AGBL3: variants seen among roughly 807,000 people sequenced by gnomAD.
The protein encoded by AGBL3 is AGBL carboxypeptidase 3.
AGBL3 carries 68 observed loss-of-function variants against 94.5 expected under a neutral mutation model. The ratio of observed to expected loss-of-function variants is 0.72; its 90% confidence interval spans 0.59 to 0.88. AGBL3 has a LOEUF of 0.88. Ranked by LOEUF, AGBL3 falls within the 40% of genes least tolerant of loss-of-function variation. The pLI is 0.00. For missense variants in AGBL3, 934 were observed against 1,103.8 expected, an observed-to-expected ratio of 0.85 and a Z score of 2.18; for synonymous variants, 354 against 370.7, an observed-to-expected ratio of 0.95 and a Z score of 0.52.
At chr7:134,989,073 A>T (rs773519929) in intron 2 of AGBL3, among the ~76,000 whole-genome samples, 177 bp from the exon 3 acceptor site, 8 of 152,200 alleles carry the variant, frequency 5.3e-5, no homozygotes, top group African/African-American at 1.9e-4. Context: ...AGGTTTCAGG[A>T]TATTTGAAGT....
chr7:135,065,422 T>A (rs1006724501), intron 12 of AGBL3, among the ~76,000 whole-genome samples: 1 of 152,164 alleles, frequency 6.6e-6, no homozygotes, highest in Non-Finnish European at 1.5e-5. Flanking sequence ...TTCCTGATTT[T>A]AAAATATGTT....
At chr7:135,066,979 T>A (rs547298541) in intron 12 of AGBL3, among the ~76,000 whole-genome samples, 1 of 152,212 alleles carries the variant, frequency 6.6e-6, no homozygotes, top group South Asian at 2.1e-4. Flanking sequence ...GGGAATTCCC[T>A]TTCCTAGTCA....
In AGBL3 at chr7:135,066,924, G is replaced by A. The variant is rs189512312; in HGVS notation, c.1908+7689G>A. Reference sequence around the variant, plus strand: ...GGGTGCAGTGCACCGAGCATGAGCCGAAGCAGGGCGAGGCATTGCCTCACC... The same window carrying A: ...GGGTGCAGTGCACCGAGCATGAGCCAAAGCAGGGCGAGGCATTGCCTCACC... On this transcript the variant is annotated intron_variant, in intron 12 of 16. Coordinates refer to ENST00000436302, the MANE Select transcript of AGBL3 (RefSeq NM_178563.4). Among the ~76,000 whole-genome samples, 352 of 152,316 alleles carry A rather than the reference G, an allele frequency of 2.3e-3. 1 individual carries two copies. Among genetic ancestry groups the A allele is most frequent in the African/African-American group, 7.7e-3 (319 of 41,564 alleles).
chr7:135,055,846 A>G (rs1429727501), intron 11 of AGBL3, among the ~76,000 whole-genome samples: 2 of 151,986 alleles, frequency 1.3e-5, no homozygotes, highest in Middle Eastern at 6.8e-3. Context: ...TTTTTTCCTT[A>G]AATGTTTGGT....
At chr7:135,074,438 AG>A (rs1820261620) in intron 12 of AGBL3, among the ~76,000 whole-genome samples, 2 of 152,186 alleles carry the variant, frequency 1.3e-5, no homozygotes, top group African/African-American at 4.8e-5. Flanking sequence ...CCAGAAGAAG[AG>A]GGAATGGGTT....
chr7:135,014,572 A>C (rs536337749), intron 4 of AGBL3, among the ~76,000 whole-genome samples: 11 of 152,356 alleles, frequency 7.2e-5, no homozygotes, highest in African/African-American at 2.6e-4. Flanking sequence ...AGGCTTTTAC[A>C]TCTGCTATAC....
At chr7:135,029,386 C>A (rs931637676) in intron 5 of AGBL3, among the ~76,000 whole-genome samples, 1 of 152,240 alleles carries the variant, frequency 6.6e-6, no homozygotes, top group Non-Finnish European at 1.5e-5. Flanking sequence ...TGCATCATCA[C>A]TTGCTGCTTA....
intron 15 of AGBL3, among the ~76,000 whole-genome samples, chr7:135,095,663 G>A (rs1285422501): frequency 6.6e-6 from 1 of 152,164 alleles, no homozygotes. Flanking sequence ...AAGCAACACT[G>A]TTTTTTGTGC....
intron 4 of AGBL3, among the ~76,000 whole-genome samples, chr7:134,993,879 GATTTT>G (rs1810628365): frequency 6.6e-6 from 1 of 152,054 alleles, no homozygotes; most frequent in Non-Finnish European, 1.5e-5. Flanking sequence ...TTTAAAAATG[GATTTT>G]ATTTAACCCA....
intron 1 of AGBL3, among the ~76,000 whole-genome samples, chr7:134,987,396 A>G (rs1327372815): frequency 6.6e-6 from 1 of 152,252 alleles, no homozygotes; most frequent in African/African-American, 2.4e-5. Context: ...GAATAAGAAT[A>G]ATATAAATGA....
At chr7:135,094,768 G>C (rs991344265) in intron 15 of AGBL3, among the ~76,000 whole-genome samples, 3 of 152,302 alleles carry the variant, frequency 2.0e-5, no homozygotes, top group Admixed American at 2.0e-4. Flanking sequence ...CACCCAAGAG[G>C]AGCAAGAGGC....
chr7:135,132,247 T>C (rs1483506083), intron 16 of AGBL3, among the ~76,000 whole-genome samples: 1 of 152,128 alleles, frequency 6.6e-6, no homozygotes, highest in East Asian at 1.9e-4. Flanking sequence ...TAAATATAGA[T>C]TTAACAAGCT....
intron 4 of AGBL3, chr7:135,011,462 C>T (rs1217642939): frequency 1.3e-5 from 2 of 151,940 alleles, no homozygotes; most frequent in African/African-American, 2.4e-5. Context: ...AAAAATAAAA[C>T]GAGGCAAACA....
In AGBL3 at chr7:134,986,603, TC is replaced by T. The variant is rs1563153427; in HGVS notation, c.-157del. ...GCTGGATACCGGGTTCTCCGCGAGA[TC>T]GCGAGATCCCGAGATATTCTCCCCG... is the stretch of plus-strand genomic sequence containing the variant. On this transcript the variant is annotated 5_prime_UTR_variant, in exon 1 of 17. The change creates a new upstream start codon in the 5' untranslated region. Coordinates refer to ENST00000436302, the MANE Select transcript of AGBL3 (RefSeq NM_178563.4). The T allele has an allele frequency of 8.5e-4, 10 of 11,700 alleles. No individual in the cohort carries two copies. Among genetic ancestry groups the T allele is most frequent in the African/African-American group, 7.0e-3 (9 of 1,282 alleles). The allele number at this position is 11,700 out of a possible 1,614,324, so 0.7% of individuals were successfully genotyped here.
chr7:135,045,602 C>A (rs1468271629), intron 10 of AGBL3, 28 bp downstream of exon 10: 16 of 1,518,684 alleles, frequency 1.1e-5, no homozygotes, highest in Non-Finnish European at 1.4e-5. Context: ...GGTAATGCAT[C>A]AGACTCCAGC....
chr7:135,066,868 TG>T (rs34518803), intron 12 of AGBL3, among the ~76,000 whole-genome samples: 1 of 152,100 alleles, frequency 6.6e-6, no homozygotes, highest in Non-Finnish European at 1.5e-5. Context: ...TTCATCTCAA[TG>T]GGGATGTCGG....
chr7:135,033,726 A>G (rs1217652541), intron 6 of AGBL3, among the ~76,000 whole-genome samples: 2 of 152,168 alleles, frequency 1.3e-5, no homozygotes, highest in Non-Finnish European at 2.9e-5. Context: ...ATGTGTTTAA[A>G]TCTCTCAGTG....
chr7:135,115,864 G>T (rs2117188856), intron 16 of AGBL3: 1 of 367,888 alleles, frequency 2.7e-6, no homozygotes, highest in Non-Finnish European at 4.9e-6. Flanking sequence ...TAATAAAGTA[G>T]GCATAAATAA....
rs117235170 is a variant in AGBL3, at chr7:135,038,529, T to C, written c.1500+949T>C. ...AGGGTTTTAGATCTCTAACCTGTTGTGCCTTAGATGAAATGGACCAATTTC... is the reference window on the plus strand; with the variant it reads ...AGGGTTTTAGATCTCTAACCTGTTGCGCCTTAGATGAAATGGACCAATTTC... On this transcript the variant is annotated intron_variant, in intron 8 of 16. Transcript: ENST00000436302. Among the ~76,000 whole-genome samples the C allele has an allele frequency of 1.6e-4, 25 of 152,342 alleles. 1 individual carries two copies. In the East Asian group the frequency reaches 4.8e-3, roughly 29 times the overall value.
Sources: allele counts gnomAD v4.1 joint callset (sites outside exome capture counted in the v4.1 genomes callset), GRCh38; gene constraint gnomAD v4.1.1; transcripts MANE v1.5; gene names NCBI Gene and HGNC (gene_info 2026-07-23, HGNC 2026-07-21).